The following ADCK5 variants were observed in gnomAD, a reference collection of about 807,000 sequenced individuals.
The protein encoded by ADCK5 is uncharacterized aarF domain-containing protein kinase 5.
A neutral mutation model predicts 64.9 loss-of-function variants in ADCK5; 43 were observed. The ratio of observed to expected loss-of-function variants is 0.66; its 90% confidence interval spans 0.52 to 0.85. ADCK5 has a LOEUF of 0.85. ADCK5 is among the 40% of genes least tolerant of loss of function. The probability of loss-of-function intolerance (pLI) is 0.00; values close to 1 mark genes in which losing one functional copy is unlikely to be tolerated. For missense variants in ADCK5, 760 were observed against 810.5 expected, an observed-to-expected ratio of 0.94 and a Z score of 0.76; for synonymous variants, 434 against 342.8, an observed-to-expected ratio of 1.27 and a Z score of -2.94.
At chr8:144,375,893 C>A (rs1446483125) in intron 1 of ADCK5, among the ~76,000 whole-genome samples, 1 of 152,156 alleles carries the variant, frequency 6.6e-6, no homozygotes, top group African/African-American at 2.4e-5. Flanking sequence ...GGGGACCCAC[C>A]GTCTAAAAGA....
At position 144,375,031 on chromosome 8, in the gene ADCK5, G is replaced by A. The variant is rs1289101097; in HGVS notation, c.12+924G>A. Among the ~76,000 whole-genome samples, 3 of 152,242 alleles carry A rather than the reference G, an allele frequency of 2.0e-5. 1 individual carries two copies. The highest frequency in any genetic ancestry group is 6.3e-3 in the Middle Eastern group (2 of 316). The stretch of plus-strand genomic sequence containing the variant: ...GCGATAAGCTAGCCTTGCCCGTCTG[G>A]CTATAAATAGCACAGATGGACGGCC... On this transcript the variant is annotated intron_variant, in intron 1 of 14. Coordinates refer to ENST00000308860, the MANE Select transcript of ADCK5 (RefSeq NM_174922.5).
chr8:144,392,270 T>C lies in ADCK5; in HGVS notation c.1192T>C (p.Cys398Arg). 6.6e-7 allele frequency: 1 copy of C among 1,526,166 alleles called. No homozygotes were observed. The highest frequency in any genetic ancestry group is 8.8e-7 in the Non-Finnish European group (1 of 1,139,730). 94.5% of individuals were successfully genotyped at this position (1,526,166 alleles called of 1,614,324 possible). A position where few individuals can be genotyped will look rare whatever the true frequency, so the allele number is the denominator to read the frequency against. The change falls in exon 12 of 15, where the codon TGC becomes CGC. Residue 398 changes from cysteine (C) to arginine (R), a missense_variant. Cys to Arg is a radical substitution (Grantham distance 180). This residue lies in a region of ADCK5 where 333 missense variants were observed against 292.0 expected (regional missense o/e 1.14). Transcript: ENST00000308860. ...CACACCCAGGGACCGCGCAGCCCTC[T>C]GCCAGCTGTGGCGGGCCATCATCCT... ...FLEEKDRAAL[C>R]QLWRAIILRD...
chr8:144,382,932 C>T lies in ADCK5; in HGVS notation c.117-149C>T, dbSNP rs1056357156. The T allele has an allele frequency of 3.1e-5, 35 of 1,145,620 alleles. No individual in the cohort carries two copies. In the South Asian group the frequency reaches 4.1e-4, roughly 13 times the overall value. The allele number at this position is 1,145,620 out of a possible 1,614,324, so 71.0% of individuals were successfully genotyped here. ...TGGTGCAGGGGCTCAGGGAAGGGGA[C>T]GCTGATGCGGTGGTGTTCTCTGCTG... On this transcript the variant is annotated intron_variant, in intron 2 of 14. Transcript: ENST00000308860.
chr8:144,380,467 T>C (rs1554857968), intron 2 of ADCK5, among the ~76,000 whole-genome samples: 2 of 150,790 alleles, frequency 1.3e-5, no homozygotes, highest in African/African-American at 2.5e-5. Context: ...TAGAAACAGA[T>C]GTGTGCTCAG....
intron 3 of ADCK5, chr8:144,389,297 C>T (rs575771951): frequency 1.8e-5 from 8 of 456,756 alleles, no homozygotes; most frequent in African/African-American, 1.2e-4. Flanking sequence ...ACCCACCCTC[C>T]TGGTGTCCTC....
At chr8:144,387,860 T>A (rs1554859556) in intron 3 of ADCK5, among the ~76,000 whole-genome samples, 1 of 150,288 alleles carries the variant, frequency 6.7e-6, no homozygotes, top group African/African-American at 2.4e-5. Context: ...GCCTCCTTAG[T>A]AGCTGGGGAT....
chr8:144,387,191 CTTATT>C (rs558284518), intron 3 of ADCK5, among the ~76,000 whole-genome samples: 109 of 152,278 alleles, frequency 7.2e-4, no homozygotes, highest in Middle Eastern at 6.8e-3. Flanking sequence ...TTCACTGCTT[CTTATT>C]TTGTCAGTGT....
At chr8:144,378,472 C>A (rs569562504) in intron 1 of ADCK5, among the ~76,000 whole-genome samples, 2 of 151,982 alleles carry the variant, frequency 1.3e-5, no homozygotes, top group Admixed American at 6.6e-5. Flanking sequence ...CTCTCTCCGC[C>A]CCCCCCACTG....
At chr8:144,385,922 C>T (rs1554859197) in intron 3 of ADCK5, among the ~76,000 whole-genome samples, 2 of 151,698 alleles carry the variant, frequency 1.3e-5, no homozygotes, top group South Asian at 4.2e-4. Context: ...CAAGATCACG[C>T]CACTGCACTC....
chr8:144,383,484 G>A (rs1010567260), intron 3 of ADCK5, among the ~76,000 whole-genome samples: 7 of 152,270 alleles, frequency 4.6e-5, no homozygotes, highest in East Asian at 1.9e-4. Context: ...GGATGCAGCC[G>A]CCACAGGCCC....
intron 12 of ADCK5, 29 bp from the exon 13 acceptor site, chr8:144,392,416 C>CCAGCCCGG: frequency 7.5e-7 from 1 of 1,333,424 alleles, no homozygotes; most frequent in Non-Finnish European, 9.8e-7. Context: ...CTCAGAGCCC[C>CCAGCCCGG]CTCCCTCCCT....
Position 144,379,390 on chromosome 8 carries a change from C to T in ADCK5, c.16C>T (p.Gln6Ter). ...ACACAATTTCCTCTCTTTGCAGGTG[C>T]AGCTCTGTCATTTCCACTCTGCTCT... MWRPV[Q>*]LCHFHSALLH... The change falls in exon 2 of 15, where the codon CAG becomes TAG. Residue 6 changes from glutamine to a stop codon, truncating the protein, a stop_gained. Transcript: ENST00000308860. LOFTEE classifies it high-confidence loss of function. 1.9e-6 allele frequency: 3 copies of T among 1,603,536 alleles called. No homozygotes were observed. Among genetic ancestry groups the T allele is most frequent in the Non-Finnish European group, 2.6e-6 (3 of 1,173,700 alleles).
intron 3 of ADCK5, 41 bp downstream of exon 3, chr8:144,383,271 G>T: frequency 6.6e-7 from 1 of 1,517,440 alleles, no homozygotes; most frequent in East Asian, 2.4e-5. Flanking sequence ...CGGCGTGGCG[G>T]GCGGGGTGTG....
intron 3 of ADCK5, among the ~76,000 whole-genome samples, chr8:144,386,880 G>A (rs1320787116): frequency 4.6e-5 from 7 of 152,194 alleles, no homozygotes; most frequent in South Asian, 2.1e-4. Flanking sequence ...AAATCCCAAG[G>A]ACTTAAGAAG....
rs1182300891 is a variant in ADCK5 at position 144,376,901 on chromosome 8, T to C, written c.13-2486T>C. ...TCCTTGTGAATCAGCACTTGCTGCA[T>C]GTGACCTCGCCAAGCAGGGGTTTCT... On this transcript the variant is annotated intron_variant, in intron 1 of 14. Coordinates refer to ENST00000308860, the MANE Select transcript of ADCK5 (RefSeq NM_174922.5). This position sits in a 1 kb window ranked among gnomAD's most constrained non-coding sequence, Gnocchi z 5.1. 1.3e-5 allele frequency among the ~76,000 whole-genome samples: 2 copies of C among 152,238 alleles called. No homozygotes were observed. Among genetic ancestry groups the C allele is most frequent in the Non-Finnish European group, 1.5e-5 (1 of 68,032 alleles).
intron 1 of ADCK5, 149 bp from the exon 2 acceptor site, chr8:144,379,238 A>T: frequency 2.1e-6 from 1 of 472,416 alleles, no homozygotes; most frequent in Non-Finnish European, 3.7e-6. Flanking sequence ...CGGCCTGGGT[A>T]GTTCTTTAGA....
intron 3 of ADCK5, among the ~76,000 whole-genome samples, chr8:144,385,828 G>T (rs1411735800): frequency 1.3e-5 from 2 of 149,364 alleles, no homozygotes; most frequent in Admixed American, 1.3e-4. Flanking sequence ...GCCGGGCTTG[G>T]TGGCGGTTGC....
chr8:144,380,965 C>T (rs1819591257), intron 2 of ADCK5, among the ~76,000 whole-genome samples: 1 of 143,600 alleles, frequency 7.0e-6, no homozygotes, highest in Non-Finnish European at 1.5e-5. Flanking sequence ...TGTGCTCAGG[C>T]ACCTGCCCCA....
intron 12 of ADCK5, 25 bp from the exon 13 acceptor site, chr8:144,392,420 C>CCCG: frequency 7.4e-7 from 1 of 1,345,882 alleles, no homozygotes; most frequent in Non-Finnish European, 9.9e-7. Context: ...GAGCCCCCTC[C>CCCG]CTCCCTCCCT....
Sources: allele counts gnomAD v4.1 joint callset (sites outside exome capture counted in the v4.1 genomes callset), GRCh38; gene constraint gnomAD v4.1.1; regional missense constraint gnomAD v4.1.1; non-coding constraint Gnocchi (gnomAD v3.1); transcripts MANE v1.5; gene names NCBI Gene and HGNC (gene_info 2026-07-23, HGNC 2026-07-21).